CCDC102B: variants seen among roughly 807,000 people sequenced by gnomAD.
CCDC102B encodes coiled-coil domain-containing protein 102B.
CCDC102B carries 75 observed loss-of-function variants against 57.4 expected under a neutral mutation model. The ratio of observed to expected loss-of-function variants is 1.31; its 90% CI spans 1.08 to 1.58. The LOEUF is 1.58. Among genes scored for constraint, CCDC102B ranks in the 40% most tolerant of loss-of-function variants. CCDC102B has a pLI of 0.00. For synonymous variants in CCDC102B, 206 were observed against 201.9 expected, an observed-to-expected ratio of 1.02 and a Z score of -0.17; for missense variants, 636 against 582.6, an observed-to-expected ratio of 1.09 and a Z score of -0.94.
chr18:68,881,467 G>A (rs143463797), intron 5 of CCDC102B, among the ~76,000 whole-genome samples: 21 of 152,284 alleles, frequency 1.4e-4, no homozygotes, highest in African/African-American at 4.6e-4. Context: ...CCAGACATTT[G>A]TCCAAATATT....
chr18:69,002,348 A>G (rs546986261), intron 6 of CCDC102B, among the ~76,000 whole-genome samples: 159 of 152,330 alleles, frequency 1.0e-3, no homozygotes, highest in Non-Finnish European at 7.4e-5. Context: ...TCAGCTGCCT[A>G]AAGATGACAT....
intron 5 of CCDC102B, among the ~76,000 whole-genome samples, chr18:68,884,539 G>A (rs764936542): frequency 2.6e-5 from 4 of 151,374 alleles, no homozygotes; most frequent in Non-Finnish European, 2.9e-5. Flanking sequence ...ATGGGCAGAT[G>A]TAGGTCAGAG....
chr18:69,019,363 T>C (rs1421508579), intron 7 of CCDC102B, among the ~76,000 whole-genome samples: 1 of 152,042 alleles, frequency 6.6e-6, no homozygotes, highest in African/African-American at 2.4e-5. Flanking sequence ...TTCTATTTAA[T>C]TGTCTCTTCT....
chr18:69,020,181 G>A (rs1022578297), intron 7 of CCDC102B, among the ~76,000 whole-genome samples: 2 of 152,064 alleles, frequency 1.3e-5, no homozygotes, highest in Non-Finnish European at 2.9e-5. Context: ...GGTTTGACTA[G>A]CTCCTAGTTG....
chr18:68,944,343 G>A (rs2145177742), intron 6 of CCDC102B, among the ~76,000 whole-genome samples: 1 of 152,024 alleles, frequency 6.6e-6, no homozygotes, highest in East Asian at 1.9e-4. Context: ...GCACATTTAA[G>A]CTTATAAAAC....
intron 6 of CCDC102B, among the ~76,000 whole-genome samples, chr18:68,958,241 G>A (rs1568354166): frequency 2.6e-5 from 4 of 152,098 alleles, no homozygotes; most frequent in African/African-American, 7.2e-5. Flanking sequence ...ATTTGGGTAG[G>A]GACAGAGCCA....
chr18:69,019,927 T>A lies in CCDC102B; in HGVS notation c.1434+8823T>A, dbSNP rs910091145. ...TTAGACTTATTATCATAAACAGGTGTTGAACTTCGTCAAAGGCATTTTCTG... is the reference window on the plus strand; with the variant it reads ...TTAGACTTATTATCATAAACAGGTGATGAACTTCGTCAAAGGCATTTTCTG... On this transcript the variant is annotated intron_variant, in intron 7 of 7. Coordinates refer to ENST00000360242, the MANE Select transcript of CCDC102B (RefSeq NM_024781.3). 1.3e-5 allele frequency among the ~76,000 whole-genome samples: 2 copies of A among 152,238 alleles called. 1 individual carries two copies. Among genetic ancestry groups the A allele is most frequent in the Middle Eastern group, 6.8e-3 (2 of 294 alleles).
intron 4 of CCDC102B, chr18:68,858,974 A>G (rs1284548649): frequency 6.6e-6 from 1 of 152,402 alleles, no homozygotes; most frequent in Non-Finnish European, 1.5e-5. Context: ...TTGGAACGAT[A>G]CAGAGAAGAT....
chr18:68,831,131 A>G (rs139875659), intron 1 of CCDC102B, among the ~76,000 whole-genome samples: 33 of 152,200 alleles, frequency 2.2e-4, no homozygotes, highest in African/African-American at 6.5e-4. Flanking sequence ...TACTATGTGG[A>G]GAGACTCTGA....
intron 5 of CCDC102B, among the ~76,000 whole-genome samples, chr18:68,887,765 G>A (rs2039940254): frequency 1.3e-5 from 2 of 152,156 alleles, no homozygotes; most frequent in African/African-American, 4.8e-5. Flanking sequence ...GTAAATAAAA[G>A]CTTGATACAT....
intron 6 of CCDC102B, among the ~76,000 whole-genome samples, chr18:68,975,464 T>C (rs1484057669): frequency 6.6e-6 from 1 of 152,068 alleles, no homozygotes; most frequent in Non-Finnish European, 1.5e-5. Flanking sequence ...TGAAACTTAC[T>C]GTGAATTAAT....
intron 2 of CCDC102B, among the ~76,000 whole-genome samples, chr18:68,765,312 G>A (rs1008581258): frequency 0.06 from 6,024 of 100,714 alleles, 306 homozygotes; most frequent in African/African-American, 0.16. Flanking sequence ...AAGGAAGGAA[G>A]GAAGGAAGGA....
intron 6 of CCDC102B, among the ~76,000 whole-genome samples, chr18:68,944,728 CA>C (rs1454607135): frequency 6.6e-6 from 1 of 151,958 alleles, no homozygotes; most frequent in Non-Finnish European, 1.5e-5. Context: ...GATCAGTATT[CA>C]CACATTACTA....
chr18:68,896,981 A>G (rs766816633), intron 5 of CCDC102B, among the ~76,000 whole-genome samples: 2 of 152,116 alleles, frequency 1.3e-5, no homozygotes, highest in Admixed American at 6.6e-5. Flanking sequence ...AATATGGTAC[A>G]TATGGCTGTA....
intron 6 of CCDC102B, among the ~76,000 whole-genome samples, chr18:68,982,380 C>T (rs903695005): frequency 1.3e-5 from 2 of 151,812 alleles, no homozygotes; most frequent in African/African-American, 4.8e-5. Flanking sequence ...CCTTAACTAT[C>T]CTTCTACTTT....
At position 69,050,989 on chromosome 18, in the gene CCDC102B, A is replaced by G. The variant is rs531650274; in HGVS notation, c.1435-3041A>G. On this transcript the variant is annotated intron_variant, in intron 7 of 7. Coordinates refer to ENST00000360242, the MANE Select transcript of CCDC102B (RefSeq NM_024781.3). ...AATCCTGAACTCCTGGGCCCAAGCC[A>G]TCTTCCTGCCTCAGCTTACCAAGTA... Among the ~76,000 whole-genome samples the G allele has an allele frequency of 4.9e-4, 74 of 152,250 alleles. 1 individual carries two copies. The East Asian group carries it at 0.014, about 29-fold the overall frequency.
At chr18:68,931,636 T>C (rs1326967323) in intron 6 of CCDC102B, among the ~76,000 whole-genome samples, 1 of 151,938 alleles carries the variant, frequency 6.6e-6, no homozygotes, top group Non-Finnish European at 1.5e-5. Flanking sequence ...AAAGGCTCCT[T>C]GGGAAAAGTA....
At chr18:68,924,884 C>A (rs1257519757) in intron 6 of CCDC102B, among the ~76,000 whole-genome samples, 1 of 151,962 alleles carries the variant, frequency 6.6e-6, no homozygotes, top group Non-Finnish European at 1.5e-5. Flanking sequence ...TACCAGAGTC[C>A]CAGGGGGCTA....
At chr18:68,815,446 T>C (rs1452796734) in intron 1 of CCDC102B, among the ~76,000 whole-genome samples, 1 of 152,190 alleles carries the variant, frequency 6.6e-6, no homozygotes, top group Non-Finnish European at 1.5e-5. Context: ...ATGTCTTCCA[T>C]GTCCTAGTCA....
Sources: allele counts gnomAD v4.1 joint callset (sites outside exome capture counted in the v4.1 genomes callset), GRCh38; gene constraint gnomAD v4.1.1; transcripts MANE v1.5; gene names NCBI Gene and HGNC (gene_info 2026-07-23, HGNC 2026-07-21).